Variants in PC observed in about 807,000 individuals in gnomAD.
PC encodes pyruvate carboxylase, mitochondrial.
In PC, 46 loss-of-function variants were observed where a neutral mutation model predicts 107.8. That is an observed-to-expected ratio of 0.43 (90% CI 0.34 to 0.55). The LOEUF is 0.55. Among genes scored for constraint, PC ranks in the 20% least tolerant of loss-of-function variants. PC has a pLI of 0.04. For synonymous variants in PC, 662 were observed against 684.7 expected, an observed-to-expected ratio of 0.97 and a Z score of 0.52; for missense variants, 1,241 against 1,643.1, an observed-to-expected ratio of 0.76 and a Z score of 4.23.
At chr11:66,914,166 A>G (rs1007999609) in intron 3 of PC, among the ~76,000 whole-genome samples, 21 of 152,154 alleles carry the variant, frequency 1.4e-4, no homozygotes, top group African/African-American at 4.8e-4. Flanking sequence ...TTTACAATGT[A>G]TTCCTGCCCC....
chr11:66,877,342 C>T (rs1281418562), intron 3 of PC, among the ~76,000 whole-genome samples: 3 of 152,092 alleles, frequency 2.0e-5, no homozygotes, highest in Admixed American at 1.3e-4. Flanking sequence ...GCCGAGATCG[C>T]GCCATTGCAT....
intron 3 of PC, 92 bp from the exon 4 acceptor site, chr11:66,872,251 C>T (rs1258832858): frequency 1.4e-6 from 2 of 1,422,592 alleles, no homozygotes; most frequent in Non-Finnish European, 1.9e-6. Flanking sequence ...CACAGTGGCC[C>T]CACAGAAAGG....
At chr11:66,946,846 T>G (rs1307032381) in intron 3 of PC, among the ~76,000 whole-genome samples, 1 of 152,076 alleles carries the variant, frequency 6.6e-6, no homozygotes, top group Non-Finnish European at 1.5e-5. Context: ...ACATAGAAAT[T>G]TTACTAAGTT....
In PC at chr11:66,870,930, C is replaced by T; in HGVS notation, c.634-38G>A. The T allele has an allele frequency of 6.2e-7, 1 of 1,604,810 alleles. No individual in the cohort carries two copies. The stretch of plus-strand genomic sequence containing the variant: ...GCAGGGGCCAGCCAGACCTCAGACC[C>T]CACAGCGCTACCTCTCCCCTGCCAT... On this transcript the variant is annotated intron_variant, in intron 7 of 22. Transcript: ENST00000393960. The surrounding 1 kb of genome is among the most constrained non-coding windows in gnomAD (Gnocchi z 6.1).
chr11:66,893,733 C>T (rs994860146), intron 3 of PC, among the ~76,000 whole-genome samples: 3 of 152,196 alleles, frequency 2.0e-5, no homozygotes, highest in East Asian at 3.9e-4. Context: ...TGTAAAATCA[C>T]GCTTTTTGGT....
chr11:66,860,815 T>C, intron 12 of PC: 1 of 676,686 alleles, frequency 1.5e-6, no homozygotes, highest in South Asian at 1.6e-5. Context: ...CACTTCAGGG[T>C]CTGCGGGGCG....
intron 3 of PC, among the ~76,000 whole-genome samples, chr11:66,943,871 C>T (rs1283159377): frequency 6.8e-6 from 1 of 148,128 alleles, no homozygotes; most frequent in Non-Finnish European, 1.5e-5. Context: ...GTATTCCCAG[C>T]TAATAGAGAG....
Position 66,872,077 on chromosome 11 carries a change from T to C in PC, c.83A>G (p.Asn28Ser), listed in dbSNP as rs770948554. The C allele has an allele frequency of 1.3e-6, 2 of 1,567,682 alleles. No homozygotes were observed. Among genetic ancestry groups the C allele is most frequent in the South Asian group, 2.3e-5 (2 of 85,258 alleles). Residue 28 changes from asparagine (N) to serine (S), a missense_variant, in exon 4 of 23, where the codon AAT becomes AGT. Transcript: ENST00000393960. ...RTSTAPAASP[N>S]VRRLEYKPIK... ...GGGCTTATACTCCAGGCGCCGGACATTTGGGGAGGCAGCGGGGGCGGTGGA... is the reference window on the plus strand; with the variant it reads ...GGGCTTATACTCCAGGCGCCGGACACTTGGGGAGGCAGCGGGGGCGGTGGA...
intron 3 of PC, among the ~76,000 whole-genome samples, chr11:66,939,728 C>T (rs1299118481): frequency 3.0e-5 from 4 of 133,834 alleles, no homozygotes; most frequent in East Asian, 2.5e-4. Context: ...CACTTGAACC[C>T]GGGAGGCAGA....
intron 3 of PC, among the ~76,000 whole-genome samples, chr11:66,880,627 T>C (rs1947153449): frequency 6.6e-6 from 1 of 152,208 alleles, no homozygotes; most frequent in Non-Finnish European, 1.5e-5. Context: ...CAATGGCACA[T>C]TCCCAGCAAG....
rs1480213646 is a variant in PC at position 66,858,633 on chromosome 11, C to T, written c.1368+5141G>A. The T allele has an allele frequency of 3.9e-6, 6 of 1,537,648 alleles. No homozygotes were observed. Among genetic ancestry groups the T allele is most frequent in the Admixed American group, 3.9e-5 (2 of 50,882 alleles). On this transcript the variant is annotated intron_variant, in intron 12 of 22. Coordinates refer to ENST00000393960, the MANE Select transcript of PC (RefSeq NM_001040716.2). The surrounding 1 kb of genome is among the most constrained non-coding windows in gnomAD (Gnocchi z 5.9). ...GCGCCTCTGGGTGCTGGAAGGCCAG[C>T]GGGCCACGCTGCGGTGCCGGGCCCT... is the stretch of plus-strand genomic sequence containing the variant.
chr11:66,872,763 C>T (rs963863801), intron 3 of PC, among the ~76,000 whole-genome samples: 3 of 151,750 alleles, frequency 2.0e-5, no homozygotes, highest in Admixed American at 6.6e-5. Flanking sequence ...AGGTTGGGCG[C>T]GGTGGCTCAT....
At chr11:66,861,664 G>A (rs2135891603) in intron 12 of PC, among the ~76,000 whole-genome samples, 1 of 152,180 alleles carries the variant, frequency 6.6e-6, no homozygotes, top group South Asian at 2.1e-4. Flanking sequence ...GGCACAGACG[G>A]CAAAGGGACA....
chr11:66,907,610 G>C (rs1948205155), intron 3 of PC, among the ~76,000 whole-genome samples: 1 of 152,162 alleles, frequency 6.6e-6, no homozygotes. Flanking sequence ...TGCCTGACCA[G>C]AACAGTCCCC....
At chr11:66,951,090 T>C (rs1344593645) in intron 3 of PC, among the ~76,000 whole-genome samples, 2 of 151,978 alleles carry the variant, frequency 1.3e-5, no homozygotes, top group African/African-American at 4.8e-5. Context: ...GCGGGAAATC[T>C]CACACAGGAA....
intron 3 of PC, among the ~76,000 whole-genome samples, chr11:66,893,842 A>G (rs1947657815): frequency 7.0e-6 from 1 of 142,702 alleles, no homozygotes; most frequent in Non-Finnish European, 1.5e-5. Context: ...ACCCAACCAG[A>G]CACCTCCTCC....
At chr11:66,880,773 GGTCCCATGCTGCA>G (rs534674028) in intron 3 of PC, among the ~76,000 whole-genome samples, 232 of 152,290 alleles carry the variant, frequency 1.5e-3, no homozygotes, top group East Asian at 4.4e-3. Context: ...CTCCCTCTGC[GGTCCCATGCTGCA>G]GTCCCATGCT....
rs71045968 is a variant in PC at position 66,900,178 on chromosome 11, G to GTTTT, written c.1-28023_1-28020dup. Among the ~76,000 whole-genome samples the GTTTT allele has an allele frequency of 2.7e-3, 295 of 107,290 alleles. 10 individuals carry two copies. Among genetic ancestry groups the GTTTT allele is most frequent in the East Asian group, 3.1e-3 (11 of 3,532 alleles). The allele number at this position is 107,290 out of a possible 152,430, so 70.4% of individuals were successfully genotyped here. On this transcript the variant is annotated intron_variant, in intron 3 of 22. Transcript: ENST00000393960. ...CAGGAAGTGTGAGTCCTCCAACGTT[G>GTTTT]TTTTTTTTTTTTTTTTTTTTGAGAC...
At chr11:66,885,102 C>A (rs561781161) in intron 3 of PC, among the ~76,000 whole-genome samples, 1 of 152,218 alleles carries the variant, frequency 6.6e-6, no homozygotes, top group South Asian at 2.1e-4. Flanking sequence ...AAGCTCAGGA[C>A]AAGCGGGTGT....
Sources: allele counts gnomAD v4.1 joint callset (sites outside exome capture counted in the v4.1 genomes callset), GRCh38; gene constraint gnomAD v4.1.1; non-coding constraint Gnocchi (gnomAD v3.1); transcripts MANE v1.5; gene names NCBI Gene and HGNC (gene_info 2026-07-23, HGNC 2026-07-21).